AGPS: variants seen among roughly 807,000 people sequenced by gnomAD.
The protein encoded by AGPS is alkyldihydroxyacetonephosphate synthase, peroxisomal.
A neutral mutation model predicts 90.7 loss-of-function variants in AGPS; 26 were observed. The observed-to-expected ratio is 0.29, with a 90% CI of 0.21 to 0.40. The LOEUF is 0.40. Among genes scored for constraint, AGPS ranks in the 10% least tolerant of loss-of-function variants. The pLI is 1.00. For missense variants in AGPS, 540 were observed against 816.1 expected (o/e 0.66, Z 4.12); for synonymous variants, 294 against 285.3 (o/e 1.03, Z -0.31).
chr2:177,540,000 A>G lies in AGPS; in HGVS notation c.*1805A>G, dbSNP rs2079218095. The G allele has an allele frequency of 2.8e-5, 1 of 35,856 alleles. No individual in the cohort carries two copies. The highest frequency in any genetic ancestry group is 7.8e-5 in the African/African-American group (1 of 12,824). 2.2% of individuals were successfully genotyped at this position (35,856 alleles called of 1,614,324 possible). A position where few individuals can be genotyped will look rare whatever the true frequency, so the allele number is the denominator to read the frequency against. On this transcript the variant is annotated 3_prime_UTR_variant, in exon 20 of 20. Coordinates refer to ENST00000264167, the MANE Select transcript of AGPS (RefSeq NM_003659.4). ...AATTTCTTTAATTGGTGATCAAAAT[A>G]TAAAATTAAGGTACTAATGTCTCAC...
At chr2:177,511,350 G>A (rs1210455297) in intron 16 of AGPS, among the ~76,000 whole-genome samples, 1 of 151,992 alleles carries the variant, frequency 6.6e-6, no homozygotes, top group Non-Finnish European at 1.5e-5. Context: ...CTCCTGCATT[G>A]GCCTTCGAAA....
At chr2:177,444,146 C>A (rs1003173163) in intron 7 of AGPS, among the ~76,000 whole-genome samples, 3 of 151,992 alleles carry the variant, frequency 2.0e-5, no homozygotes, top group Non-Finnish European at 4.4e-5. Context: ...GTCAGCCAGG[C>A]GTGGTGGCTC....
At chr2:177,437,378 AATT>A (rs1323640840) in intron 5 of AGPS, among the ~76,000 whole-genome samples, 1 of 152,166 alleles carries the variant, frequency 6.6e-6, no homozygotes, top group Non-Finnish European at 1.5e-5. Context: ...AGATATATAG[AATT>A]ATTAATATAA....
chr2:177,540,037 A>G lies in AGPS; in HGVS notation c.*1842A>G, dbSNP rs1425649520. The G allele has an allele frequency of 8.5e-6, 1 of 117,794 alleles. No individual in the cohort carries two copies. The highest frequency in any genetic ancestry group is 1.7e-5 in the Non-Finnish European group (1 of 58,990). 7.3% of individuals were successfully genotyped at this position (117,794 alleles called of 1,614,324 possible). ...TACTAATGTCTCACTGGAAGTATAT[A>G]TATATATATATATATATGTATGCAT... On this transcript the variant is annotated 3_prime_UTR_variant, in exon 20 of 20. Coordinates refer to ENST00000264167, the MANE Select transcript of AGPS (RefSeq NM_003659.4).
At chr2:177,449,791 A>G (rs1405974169) in intron 8 of AGPS, among the ~76,000 whole-genome samples, 1 of 150,968 alleles carries the variant, frequency 6.6e-6, no homozygotes, top group African/African-American at 2.4e-5. Context: ...TCATGTGCTT[A>G]TTTGCCATCC....
intron 10 of AGPS, among the ~76,000 whole-genome samples, chr2:177,477,752 C>G (rs951915078): frequency 6.6e-6 from 1 of 152,098 alleles, no homozygotes; most frequent in Admixed American, 6.5e-5. Flanking sequence ...CATCTGTAAT[C>G]GTATCCTTAG....
chr2:177,499,888 T>A (rs1243717133), intron 14 of AGPS, among the ~76,000 whole-genome samples, 158 bp downstream of exon 14: 5 of 151,956 alleles, frequency 3.3e-5, no homozygotes, highest in African/African-American at 9.7e-5. Context: ...TTGTGGTAAT[T>A]TATGATAGTA....
In AGPS at chr2:177,540,566, C is replaced by T. The variant is rs2079225529; in HGVS notation, c.*2371C>T. ...GAGTTCATGAATATGCACAGAAGCA[C>T]TTAAACCATGCCTCTTATTTCTATA... On this transcript the variant is annotated 3_prime_UTR_variant, in exon 20 of 20. Transcript: ENST00000264167. 6.6e-6 allele frequency: 1 copy of T among 151,964 alleles called. No homozygotes were observed. Among genetic ancestry groups the T allele is most frequent in the Non-Finnish European group, 1.5e-5 (1 of 67,946 alleles). 9.4% of individuals were successfully genotyped at this position (151,964 alleles called of 1,614,324 possible).
chr2:177,441,085 A>G, intron 6 of AGPS, 49 bp downstream of exon 6: 1 of 1,403,104 alleles, frequency 7.1e-7, no homozygotes, highest in South Asian at 1.2e-5. Flanking sequence ...GTTCTATTTA[A>G]AATATTTGTA....
intron 13 of AGPS, among the ~76,000 whole-genome samples, chr2:177,498,571 A>G (rs901093988): frequency 6.6e-6 from 1 of 151,372 alleles, no homozygotes; most frequent in Admixed American, 6.6e-5. Context: ...TCCTTCCTCC[A>G]GTAATATGAT....
chr2:177,519,785 G>A (rs1003448166), intron 17 of AGPS, among the ~76,000 whole-genome samples: 22 of 152,150 alleles, frequency 1.4e-4, no homozygotes, highest in African/African-American at 4.6e-4. Context: ...AAGGTTCTTG[G>A]ATCTCACACA....
intron 5 of AGPS, among the ~76,000 whole-genome samples, chr2:177,439,572 A>G (rs550830932): frequency 1.3e-5 from 2 of 152,360 alleles, no homozygotes; most frequent in South Asian, 2.1e-4. Context: ...ATAGATATTT[A>G]TTAAAAATCG....
rs1473241228 is a variant in AGPS, at chr2:177,539,590, A to G, written c.*1395A>G. ...CTTTAAAAGGATGCATTGTCTGTGTATGTAGCAACAGCTCCAAAGTATTTT... is the reference window on the plus strand; with the variant it reads ...CTTTAAAAGGATGCATTGTCTGTGTGTGTAGCAACAGCTCCAAAGTATTTT... On this transcript the variant is annotated 3_prime_UTR_variant, in exon 20 of 20. Coordinates refer to ENST00000264167, the MANE Select transcript of AGPS (RefSeq NM_003659.4). 3 of 152,046 alleles carry G rather than the reference A, an allele frequency of 2.0e-5. No homozygotes were observed. The highest frequency in any genetic ancestry group is 1.3e-4 in the Admixed American group (2 of 15,250). 9.4% of individuals were successfully genotyped at this position (152,046 alleles called of 1,614,324 possible).
chr2:177,498,233 C>G (rs1363803009), intron 13 of AGPS, among the ~76,000 whole-genome samples: 2 of 151,556 alleles, frequency 1.3e-5, no homozygotes, highest in African/African-American at 4.8e-5. Flanking sequence ...TCTTCTAGTT[C>G]ATGTTTTTTG....
At chr2:177,460,778 A>T (rs1048743996) in intron 8 of AGPS, among the ~76,000 whole-genome samples, 1 of 152,190 alleles carries the variant, frequency 6.6e-6, no homozygotes, top group Non-Finnish European at 1.5e-5. Context: ...GCTTCTTTTT[A>T]ATAGATGGAT....
chr2:177,529,409 G>T (rs757148487), intron 19 of AGPS, among the ~76,000 whole-genome samples: 58 of 152,174 alleles, frequency 3.8e-4, no homozygotes, highest in Admixed American at 1.6e-3. Flanking sequence ...GGTTAAGGTT[G>T]CAGTGAGCTG....
At chr2:177,502,243 AG>A (rs1366334039) in intron 14 of AGPS, among the ~76,000 whole-genome samples, 4 of 62,380 alleles carry the variant, frequency 6.4e-5, no homozygotes, top group Non-Finnish European at 1.3e-4. Context: ...GCTCCGTTTG[AG>A]GTCTCATTTT....
In AGPS at chr2:177,392,812, C is replaced by T. The variant is rs757211193; in HGVS notation, c.23C>T (p.Ala8Val). Residue 8 changes from alanine to valine, a missense_variant, in exon 1 of 20, where the codon GCG becomes GTG. Around this residue, in one of 2 missense-constraint regions of AGPS, gnomAD observed 135 missense variants for 124.0 expected, o/e 1.09. Coordinates refer to ENST00000264167, the MANE Select transcript of AGPS (RefSeq NM_003659.4). ...GCCATGGCGGAGGCGGCGGCTGCAG[C>T]GGGTGGGACTGGCTTGGGCGCGGGC... MAEAAAA[A>V]GGTGLGAGAS... 6 of 1,518,406 alleles carry T rather than the reference C, an allele frequency of 4.0e-6. No homozygotes were observed. Among genetic ancestry groups the T allele is most frequent in the Non-Finnish European group, 5.2e-6 (6 of 1,144,920 alleles). 94.1% of individuals were successfully genotyped at this position (1,518,406 alleles called of 1,614,324 possible). A position where few individuals can be genotyped will look rare whatever the true frequency, so the allele number is the denominator to read the frequency against.
At chr2:177,500,652 G>T (rs1195815268) in intron 14 of AGPS, among the ~76,000 whole-genome samples, 1 of 151,746 alleles carries the variant, frequency 6.6e-6, no homozygotes, top group Non-Finnish European at 1.5e-5. Flanking sequence ...TCTAATCTTA[G>T]ACTTAAATTT....
Sources: allele counts gnomAD v4.1 joint callset (sites outside exome capture counted in the v4.1 genomes callset), GRCh38; gene constraint gnomAD v4.1.1; regional missense constraint gnomAD v4.1.1; transcripts MANE v1.5; gene names NCBI Gene and HGNC (gene_info 2026-07-23, HGNC 2026-07-21).